The following EIF3E variants were observed in gnomAD, a reference collection of about 807,000 sequenced individuals.
The protein encoded by EIF3E is eIF-3 p48.
EIF3E carries 25 observed loss-of-function variants against 59.3 expected under a neutral mutation model. That is an observed-to-expected ratio of 0.42 (90% confidence interval 0.31 to 0.59). The LOEUF is 0.59. Ranked by LOEUF, EIF3E falls within the 20% of genes least tolerant of loss-of-function variation. The pLI is 0.15. For missense variants in EIF3E, 317 were observed against 534.3 expected (o/e 0.59, Z 4.01); for synonymous variants, 176 against 170.2 (o/e 1.03, Z -0.26).
At chr8:108,220,735 G>A (rs543223878) in intron 7 of EIF3E, among the ~76,000 whole-genome samples, 3 of 152,340 alleles carry the variant, frequency 2.0e-5, no homozygotes, top group Admixed American at 1.3e-4. Context: ...CAGAGCAACT[G>A]TTCTCGCTGA....
intron 1 of EIF3E, among the ~76,000 whole-genome samples, chr8:108,247,156 C>T (rs549557103): frequency 6.6e-6 from 1 of 152,246 alleles, no homozygotes; most frequent in South Asian, 2.1e-4. Flanking sequence ...TCTCAACTGC[C>T]TGCAGTTCAT....
At chr8:108,213,770 T>C (rs972281536) in intron 10 of EIF3E, among the ~76,000 whole-genome samples, 4 of 152,214 alleles carry the variant, frequency 2.6e-5, no homozygotes, top group Non-Finnish European at 4.4e-5. Flanking sequence ...CTAATAAAAC[T>C]GTGAAGGCAA....
rs191450694 is a variant in EIF3E at position 108,201,970 on chromosome 8, C to T, written c.1300-47G>A. The T allele has an allele frequency of 1.8e-5, 26 of 1,484,786 alleles. No individual in the cohort carries two copies. The East Asian group carries it at 3.9e-4, about 22-fold the overall frequency. 92.0% of individuals were successfully genotyped at this position (1,484,786 alleles called of 1,614,324 possible). A position where few individuals can be genotyped will look rare whatever the true frequency, so the allele number is the denominator to read the frequency against. On this transcript the variant is annotated intron_variant, in intron 12 of 12. Coordinates refer to ENST00000220849, the MANE Select transcript of EIF3E (RefSeq NM_001568.3). ...CAACACCGTGAAAAGAAAATACTTT[C>T]GGAAAAAAACTAACATAGAAGAAAG...
chr8:108,242,594 C>A, intron 1 of EIF3E: 2 of 1,167,974 alleles, frequency 1.7e-6, no homozygotes, highest in South Asian at 3.5e-5. Context: ...CAAGAAAATG[C>A]CACAATATTT....
chr8:108,238,944 T>C (rs1424896435), intron 3 of EIF3E, among the ~76,000 whole-genome samples: 1 of 152,188 alleles, frequency 6.6e-6, no homozygotes, highest in South Asian at 2.1e-4. Context: ...ACCCGTGACA[T>C]GTACTACGTC....
At chr8:108,204,957 TA>T (rs1432042256) in intron 10 of EIF3E, among the ~76,000 whole-genome samples, 2 of 152,070 alleles carry the variant, frequency 1.3e-5, no homozygotes, top group African/African-American at 4.8e-5. Flanking sequence ...TTATCAGAAT[TA>T]AAAACACACC....
chr8:108,243,088 G>A (rs953181669), intron 1 of EIF3E, among the ~76,000 whole-genome samples: 2 of 152,094 alleles, frequency 1.3e-5, no homozygotes, highest in African/African-American at 4.8e-5. Flanking sequence ...GTTAAAATGA[G>A]AAAACAAACC....
At position 108,204,766 on chromosome 8, in the gene EIF3E, GAGAGAGAGAGAGAGAC is replaced by G. The variant is rs1194409811; in HGVS notation, c.1062-1279_1062-1264del. 8.6e-3 allele frequency among the ~76,000 whole-genome samples: 1,106 copies of G among 128,342 alleles called. 17 individuals carry two copies. Among genetic ancestry groups the G allele is most frequent in the African/African-American group, 0.034 (997 of 29,182 alleles). The allele number at this position is 128,342 out of a possible 152,430, so 84.2% of individuals were successfully genotyped here. ...ATATATAGAGAGAGAGAGAGAGAGA[GAGAGAGAGAGAGAGAC>G]AGAGAGAGAGAGAGAGAGAGACTGA... On this transcript the variant is annotated intron_variant, in intron 10 of 12. Coordinates refer to ENST00000220849, the MANE Select transcript of EIF3E (RefSeq NM_001568.3).
rs565279925 is a variant in EIF3E at position 108,215,478 on chromosome 8, C to T, written c.952-762G>A. On this transcript the variant is annotated intron_variant, in intron 9 of 12. Coordinates refer to ENST00000220849, the MANE Select transcript of EIF3E (RefSeq NM_001568.3). ...CTAAAAATACAAAAAATTAACCGGG[C>T]GTGGTGGTGGGCGCCTATGGTCCCA... 2.6e-5 allele frequency among the ~76,000 whole-genome samples: 4 copies of T among 151,922 alleles called. No homozygotes were observed. The East Asian group carries it at 5.8e-4, about 22-fold the overall frequency.
chr8:108,232,495 C>T (rs568186330), intron 5 of EIF3E, among the ~76,000 whole-genome samples: 4 of 151,990 alleles, frequency 2.6e-5, no homozygotes, highest in South Asian at 2.1e-4. Flanking sequence ...TTTTTAAGAC[C>T]GGGAATTAAC....
intron 3 of EIF3E, among the ~76,000 whole-genome samples, chr8:108,238,240 T>C (rs1162928926): frequency 6.6e-6 from 1 of 152,250 alleles, no homozygotes; most frequent in African/African-American, 2.4e-5. Context: ...GCTCTGTCTA[T>C]GCGCATGATG....
rs917538313 is a variant in EIF3E at position 108,234,983 on chromosome 8, T to C, written c.471+15A>G. 3 of 1,256,450 alleles carry C rather than the reference T, an allele frequency of 2.4e-6. No homozygotes were observed. Among genetic ancestry groups the C allele is most frequent in the South Asian group, 1.5e-5 (1 of 68,874 alleles). 77.8% of individuals were successfully genotyped at this position (1,256,450 alleles called of 1,614,324 possible). A position where few individuals can be genotyped will look rare whatever the true frequency, so the allele number is the denominator to read the frequency against. On this transcript the variant is annotated intron_variant, in intron 5 of 12. Coordinates refer to ENST00000220849, the MANE Select transcript of EIF3E (RefSeq NM_001568.3). ...GACAAAAAAAAAAAAAAAAAAAACA[T>C]GTACTTATACTTACCAGCACTCTAA...
At chr8:108,237,622 AAC>A (rs1815758228) in intron 3 of EIF3E, among the ~76,000 whole-genome samples, 1 of 152,208 alleles carries the variant, frequency 6.6e-6, no homozygotes, top group Non-Finnish European at 1.5e-5. Flanking sequence ...TGTCTTTGGG[AAC>A]ACAATTTTGC....
intron 1 of EIF3E, among the ~76,000 whole-genome samples, chr8:108,243,653 A>G (rs1319595140): frequency 2.6e-5 from 4 of 150,970 alleles, no homozygotes; most frequent in African/African-American, 9.7e-5. Context: ...AAAAAAAAAA[A>G]AAAAAAAGGA....
intron 3 of EIF3E, 36 bp downstream of exon 3, chr8:108,239,922 G>A (rs766812548): frequency 6.7e-7 from 1 of 1,495,460 alleles, no homozygotes; most frequent in Non-Finnish European, 9.3e-7. Context: ...ATCCAGAAAG[G>A]AGAATTTTTA....
intron 10 of EIF3E, among the ~76,000 whole-genome samples, chr8:108,204,888 G>T (rs905488801): frequency 6.6e-6 from 1 of 151,540 alleles, no homozygotes; most frequent in South Asian, 2.1e-4. Flanking sequence ...CAACCAATCT[G>T]CATTTTGTAT....
intron 2 of EIF3E, among the ~76,000 whole-genome samples, chr8:108,240,989 AAG>A (rs1396820310): frequency 2.2e-4 from 33 of 152,266 alleles, no homozygotes; most frequent in African/African-American, 7.9e-4. Flanking sequence ...CAAAAAAAAA[AAG>A]AAAGAAACTA....
At chr8:108,248,030 G>T (rs1009757475) in intron 1 of EIF3E, among the ~76,000 whole-genome samples, 1 of 141,264 alleles carries the variant, frequency 7.1e-6, no homozygotes, top group Middle Eastern at 3.5e-3. Flanking sequence ...TTTTCTGGGG[G>T]GGGGGGCGGG....
At chr8:108,203,716 T>C (rs997138159) in intron 10 of EIF3E, among the ~76,000 whole-genome samples, 16 of 152,088 alleles carry the variant, frequency 1.1e-4, no homozygotes, top group African/African-American at 3.9e-4. Context: ...CCAACTGGAC[T>C]GTAAAATCCT....
Sources: allele counts gnomAD v4.1 joint callset (sites outside exome capture counted in the v4.1 genomes callset), GRCh38; gene constraint gnomAD v4.1.1; transcripts MANE v1.5; gene names NCBI Gene and HGNC (gene_info 2026-07-23, HGNC 2026-07-21).